The following PCGF6 variants were observed in gnomAD, a reference collection of about 807,000 sequenced individuals.
PCGF6 encodes polycomb group ring finger 6, also known as polycomb group RING finger protein 6.
In PCGF6, 24 loss-of-function variants were observed where a neutral mutation model predicts 45.5. That is an observed-to-expected ratio of 0.53 (90% CI 0.38 to 0.74). The LOEUF (loss-of-function observed/expected upper bound fraction) is 0.74, where lower values mean the gene tolerates loss of function less well. Among genes scored for constraint, PCGF6 ranks in the 30% least tolerant of loss-of-function variants. The pLI is 0.00. For synonymous variants in PCGF6, 152 were observed against 162.1 expected (o/e 0.94, Z 0.47); for missense variants, 356 against 443.2 (o/e 0.80, Z 1.77).
intron 8 of PCGF6, among the ~76,000 whole-genome samples, chr10:103,324,076 A>AT (rs2093207526): frequency 6.7e-6 from 1 of 148,832 alleles, no homozygotes; most frequent in South Asian, 2.1e-4. Context: ...AGTAGCTGGG[A>AT]TTACAGGAGT....
At chr10:103,323,382 C>T (rs937216260) in intron 8 of PCGF6, among the ~76,000 whole-genome samples, 4 of 152,048 alleles carry the variant, frequency 2.6e-5, no homozygotes, top group Admixed American at 6.6e-5. Flanking sequence ...CTGCAACCTC[C>T]GCCTCCTGGG....
intron 9 of PCGF6, among the ~76,000 whole-genome samples, chr10:103,305,081 G>C (rs914912597): frequency 6.6e-6 from 1 of 151,978 alleles, no homozygotes; most frequent in Admixed American, 6.6e-5. Flanking sequence ...TCCAACCTCA[G>C]CTTCGCAACT....
intron 6 of PCGF6, among the ~76,000 whole-genome samples, chr10:103,335,943 G>A (rs1408306976): frequency 6.6e-6 from 1 of 151,666 alleles, no homozygotes; most frequent in African/African-American, 2.4e-5. Flanking sequence ...CTCCAGCCCG[G>A]TGACAGTGCG....
chr10:103,329,384 G>A (rs1396347872), intron 7 of PCGF6, among the ~76,000 whole-genome samples: 10 of 151,854 alleles, frequency 6.6e-5, no homozygotes. Context: ...TGTTTTATAG[G>A]GCTGTCATTA....
chr10:103,335,792 C>A (rs369501380), intron 6 of PCGF6, among the ~76,000 whole-genome samples: 1 of 151,550 alleles, frequency 6.6e-6, no homozygotes, highest in Non-Finnish European at 1.5e-5. Flanking sequence ...ATAATGAAAC[C>A]CCGTCTCTCC....
intron 8 of PCGF6, among the ~76,000 whole-genome samples, chr10:103,318,605 C>A (rs998532387): frequency 6.7e-6 from 1 of 149,736 alleles, no homozygotes; most frequent in African/African-American, 2.5e-5. Context: ...ATTAGCCGGG[C>A]ATGGTGGCGG....
intron 8 of PCGF6, among the ~76,000 whole-genome samples, chr10:103,323,015 TATA>T (rs1165029804): frequency 1.3e-5 from 2 of 152,094 alleles, no homozygotes; most frequent in African/African-American, 4.8e-5. Context: ...CTTCTTTTTC[TATA>T]ATAAGGGCAA....
intron 8 of PCGF6, among the ~76,000 whole-genome samples, chr10:103,314,955 A>AC (rs2093169534): frequency 6.8e-5 from 1 of 14,612 alleles, no homozygotes; most frequent in South Asian, 3.9e-3. Context: ...ACTCTGTCAT[A>AC]AAAAAAAAAA....
At chr10:103,326,449 G>T in intron 8 of PCGF6, 85 bp downstream of exon 8, 8 of 691,836 alleles carry the variant, frequency 1.2e-5, no homozygotes, top group Non-Finnish European at 1.8e-5. Context: ...AAAAATAATT[G>T]CATGAAATCC....
intron 8 of PCGF6, among the ~76,000 whole-genome samples, chr10:103,323,271 C>T (rs1345994679): frequency 7.9e-5 from 12 of 152,142 alleles, no homozygotes; most frequent in Non-Finnish European, 1.5e-5. Context: ...CAGTAAATAT[C>T]GGTACTAAAA....
At chr10:103,329,080 C>T (rs1186064941) in intron 7 of PCGF6, among the ~76,000 whole-genome samples, 1 of 149,356 alleles carries the variant, frequency 6.7e-6, no homozygotes, top group African/African-American at 2.5e-5. Context: ...CGCTCTGTCA[C>T]CCAGGCTGGA....
chr10:103,324,655 G>C (rs901112208), intron 8 of PCGF6, among the ~76,000 whole-genome samples: 9 of 150,832 alleles, frequency 6.0e-5, no homozygotes, highest in African/African-American at 2.2e-4. Flanking sequence ...AGCTACTCAG[G>C]AGCCTGAGGC....
intron 7 of PCGF6, among the ~76,000 whole-genome samples, chr10:103,327,873 T>C (rs1053385235): frequency 2.0e-5 from 3 of 151,408 alleles, no homozygotes; most frequent in African/African-American, 7.3e-5. Flanking sequence ...GAGATAGGGT[T>C]TCACTGTTAG....
At chr10:103,330,615 A>C (rs2093236511) in intron 7 of PCGF6, among the ~76,000 whole-genome samples, 1 of 152,192 alleles carries the variant, frequency 6.6e-6, no homozygotes. Context: ...ATGTAATTTC[A>C]GAATATTTTC....
intron 9 of PCGF6, among the ~76,000 whole-genome samples, chr10:103,307,098 T>C (rs1271195392): frequency 1.3e-5 from 2 of 148,672 alleles, no homozygotes; most frequent in Non-Finnish European, 3.0e-5. Flanking sequence ...AGCCAGACCC[T>C]GTCTCAAAAA....
intron 9 of PCGF6, 87 bp from the exon 10 acceptor site, chr10:103,304,048 T>C: frequency 9.6e-7 from 1 of 1,041,904 alleles, no homozygotes; most frequent in Non-Finnish European, 1.5e-6. Flanking sequence ...TACTTTTTTT[T>C]AATAATCTAA....
At position 103,303,936 on chromosome 10, in the gene PCGF6, C is replaced by A. The variant is rs191466012; in HGVS notation, c.1022G>T (p.Gly341Val). ...TATCTTCAGAGGAGAAACCACAAGACCATAATGAAGGACAAGCAGACCATC... is the reference window on the plus strand; with the variant it reads ...TATCTTCAGAGGAGAAACCACAAGAACATAATGAAGGACAAGCAGACCATC... ...MQDGLLVLHY[G>V]LVVSPLKIT The change falls in exon 10 of 10, where the codon GGT becomes GTT. Residue 341 changes from glycine (G) to valine (V), a missense_variant. Coordinates refer to ENST00000369847, the MANE Select transcript of PCGF6 (RefSeq NM_001011663.2). 1.5e-5 allele frequency: 25 copies of A among 1,613,410 alleles called. No homozygotes were observed. The East Asian group carries it at 5.4e-4, about 35-fold the overall frequency.
intron 7 of PCGF6, among the ~76,000 whole-genome samples, chr10:103,332,866 G>A (rs1233357929): frequency 6.6e-6 from 1 of 152,128 alleles, no homozygotes; most frequent in Non-Finnish European, 1.5e-5. Context: ...TGTAATCCCA[G>A]CACTTTGGGA....
At chr10:103,314,953 A>AT (rs1284813960) in intron 8 of PCGF6, among the ~76,000 whole-genome samples, 22 of 81,930 alleles carry the variant, frequency 2.7e-4, no homozygotes, top group African/African-American at 7.0e-4. Context: ...AGACTCTGTC[A>AT]TAAAAAAAAA....
Sources: gnomAD v4.1 joint callset for allele counts (sites outside exome capture counted in the v4.1 genomes callset) on GRCh38, gnomAD v4.1.1 for gene constraint, MANE v1.5 for transcripts, NCBI Gene and HGNC (gene_info 2026-07-23, HGNC 2026-07-21) for gene names.